DMD: variants seen among roughly 807,000 people sequenced by gnomAD.
DMD encodes dystrophin.
Under a neutral mutation model 330.1 loss-of-function variants are expected in DMD, and 63 were observed. The ratio of observed to expected loss-of-function variants is 0.19; its 90% confidence interval spans 0.16 to 0.24. The LOEUF is 0.24. Ranked by LOEUF, DMD falls within the 10% of genes least tolerant of loss-of-function variation. The pLI, the probability that DMD is intolerant of heterozygous loss-of-function variation, is 1.00. For synonymous variants in DMD, 1,223 were observed against 959.8 expected, an observed-to-expected ratio of 1.27 and a Z score of -5.07; for missense variants, 3,344 against 2,684.1, an observed-to-expected ratio of 1.25 and a Z score of -5.43.
intron 2 of DMD, among the ~76,000 whole-genome samples, chrX:32,913,558 AAAG>A (rs762973150): frequency 1.8e-5 from 2 of 112,195 alleles, no homozygotes; most frequent in East Asian, 2.8e-4. Flanking sequence ...ACACGTTGTC[AAAG>A]AAGACCATAG....
At chrX:33,265,761 C>A (rs2053031420) in intron 1 of DMD, among the ~76,000 whole-genome samples, 1 of 111,181 alleles carries the variant, frequency 9.0e-6, no homozygotes, top group Non-Finnish European at 1.9e-5. Flanking sequence ...TCCTAAGAGT[C>A]CATATTAATA....
At chrX:31,585,945 GTTTT>G (rs1216757949) in intron 55 of DMD, among the ~76,000 whole-genome samples, 2 of 110,623 alleles carry the variant, frequency 1.8e-5, no homozygotes, top group Non-Finnish European at 3.8e-5. Context: ...TTGTTTGTTT[GTTTT>G]TTAATGGTTC....
chrX:32,507,189 T>C (rs1603635090), intron 18 of DMD, among the ~76,000 whole-genome samples: 1 of 111,201 alleles, frequency 9.0e-6, no homozygotes, highest in South Asian at 3.7e-4. Flanking sequence ...GAAAACAATA[T>C]ACAGATGAAA....
chrX:32,483,843 A>AG (rs1369634655), intron 21 of DMD, among the ~76,000 whole-genome samples: 3 of 106,484 alleles, frequency 2.8e-5, no homozygotes, highest in Non-Finnish European at 3.9e-5. Flanking sequence ...AAAAAAAAAA[A>AG]GTATTTATCC....
intron 44 of DMD, among the ~76,000 whole-genome samples, chrX:31,988,146 T>C (rs1333716511): frequency 9.0e-6 from 1 of 110,678 alleles, no homozygotes; most frequent in Non-Finnish European, 1.9e-5. Flanking sequence ...CAACAAGGTT[T>C]GCACAAATAT....
At chrX:33,330,341 T>A (rs913101140) in intron 1 of DMD, among the ~76,000 whole-genome samples, 1 of 111,831 alleles carries the variant, frequency 8.9e-6, no homozygotes, top group Non-Finnish European at 1.9e-5. Context: ...ACACAATTTC[T>A]TATTGTTACA....
chrX:32,297,013 C>G (rs936092435), intron 42 of DMD, among the ~76,000 whole-genome samples: 1 of 110,613 alleles, frequency 9.0e-6, no homozygotes, highest in African/African-American at 3.3e-5. Context: ...AAGGAAATTC[C>G]TATTCACTCA....
intron 9 of DMD, among the ~76,000 whole-genome samples, chrX:32,651,802 A>G (rs2060176208): frequency 8.9e-6 from 1 of 112,548 alleles, no homozygotes; most frequent in Non-Finnish European, 1.9e-5. Flanking sequence ...ACATAATTTT[A>G]ACAGTTTTTT....
rs201870301 is a variant in DMD at position 32,725,323 on chromosome X, A to AG, written c.650-26031dup. Among the ~76,000 whole-genome samples the AG allele has an allele frequency of 6.4e-4, 71 of 111,186 alleles. No homozygotes were observed. In the East Asian group the frequency reaches 0.02, roughly 31 times the overall value. On this transcript the variant is annotated intron_variant, in intron 7 of 78. Coordinates refer to ENST00000357033, the MANE Select transcript of DMD (RefSeq NM_004006.3). The stretch of plus-strand genomic sequence containing the variant: ...TATGAAATTTTATCTATAATATTGT[A>AG]GTCCATAGGTATATATATGTATATG...
chrX:32,369,900 C>T (rs1190017142), intron 34 of DMD, among the ~76,000 whole-genome samples: 1 of 111,071 alleles, frequency 9.0e-6, no homozygotes, highest in Non-Finnish European at 1.9e-5. Context: ...TAAATTCAGA[C>T]TTATTTTAGC....
intron 59 of DMD, among the ~76,000 whole-genome samples, chrX:31,452,530 C>G (rs1052969447): frequency 1.8e-5 from 2 of 111,662 alleles, no homozygotes; most frequent in Admixed American, 9.5e-5. Context: ...TTGCAGTGAG[C>G]TGAGATTGCA....
At chrX:31,295,423 GT>G (rs2054109427) in intron 62 of DMD, among the ~76,000 whole-genome samples, 1 of 109,726 alleles carries the variant, frequency 9.1e-6, no homozygotes, top group Non-Finnish European at 1.9e-5. Context: ...CAATATTTTT[GT>G]TTGTTTGTTT....
chrX:31,877,694 T>TGC (rs1556964487), intron 47 of DMD, among the ~76,000 whole-genome samples: 62 of 110,686 alleles, frequency 5.6e-4, no homozygotes, highest in Middle Eastern at 4.7e-3. Flanking sequence ...TGTGTGTGTG[T>TGC]GCACGCACGC....
In DMD at chrX:31,394,938, T is replaced by TGAGAGAGA. The variant is rs757803694; in HGVS notation, c.9085-46312_9085-46305dup. Among the ~76,000 whole-genome samples, 547 of 86,852 alleles carry TGAGAGAGA rather than the reference T, an allele frequency of 6.3e-3. 21 individuals are homozygous for TGAGAGAGA. Among genetic ancestry groups the TGAGAGAGA allele is most frequent in the African/African-American group, 0.023 (492 of 21,241 alleles). The allele number at this position is 86,852 out of a possible 115,157, so 75.4% of individuals were successfully genotyped here. On this transcript the variant is annotated intron_variant, in intron 60 of 78. Coordinates refer to ENST00000357033, the MANE Select transcript of DMD (RefSeq NM_004006.3). ...CATTACTATGAGAGAGAGAGAAGGG[T>TGAGAGAGA]GAGAGAGAGAGAGAGAGAGAGAGAC...
intron 29 of DMD, among the ~76,000 whole-genome samples, chrX:32,414,638 A>G (rs1309394861): frequency 8.9e-6 from 1 of 112,153 alleles, no homozygotes; most frequent in African/African-American, 3.2e-5. Flanking sequence ...AGAAATTTTA[A>G]TGAGAAAAAC....
chrX:32,172,489 C>T (rs1165422641), intron 44 of DMD, among the ~76,000 whole-genome samples: 1 of 111,781 alleles, frequency 8.9e-6, no homozygotes, highest in Non-Finnish European at 1.9e-5. Flanking sequence ...GAAATGCCCT[C>T]CCTCTCCCTT....
intron 7 of DMD, among the ~76,000 whole-genome samples, chrX:32,731,453 A>G (rs1048312426): frequency 1.8e-5 from 2 of 112,793 alleles, no homozygotes; most frequent in African/African-American, 3.2e-5. Flanking sequence ...TCCACCTCTG[A>G]GGGCAGGGCA....
At chrX:31,699,158 A>G (rs1431829609) in intron 52 of DMD, among the ~76,000 whole-genome samples, 1 of 112,112 alleles carries the variant, frequency 8.9e-6, no homozygotes, top group African/African-American at 3.2e-5. Flanking sequence ...TAGGGGCGTA[A>G]ATAGGCAATC....
intron 2 of DMD, among the ~76,000 whole-genome samples, chrX:32,962,910 A>AG (rs1406861524): frequency 9.0e-6 from 1 of 111,137 alleles, no homozygotes; most frequent in Non-Finnish European, 1.9e-5. Flanking sequence ...AGTGTAAGAC[A>AG]GGGGCAAGAA....
Sources: gnomAD v4.1 joint callset for allele counts (sites outside exome capture counted in the v4.1 genomes callset) on GRCh38, gnomAD v4.1.1 for gene constraint, MANE v1.5 for transcripts, NCBI Gene and HGNC (gene_info 2026-07-23, HGNC 2026-07-21) for gene names.